C10orf88: variants seen among roughly 807,000 people sequenced by gnomAD.
C10orf88 encodes chromosome 10 open reading frame 88.
Under a neutral mutation model 34.2 loss-of-function variants are expected in C10orf88, and 29 were observed. The observed-to-expected ratio is 0.85, with a 90% CI of 0.63 to 1.16. The LOEUF is 1.16. C10orf88 is among the 50% of genes most tolerant of loss of function. The pLI is 0.00. For missense variants in C10orf88, 507 were observed against 533.2 expected (o/e 0.95, Z 0.48); for synonymous variants, 194 against 197.4 (o/e 0.98, Z 0.15).
At chr10:122,949,308 A>AT (rs1190886314) in intron 3 of C10orf88, among the ~76,000 whole-genome samples, 2 of 152,148 alleles carry the variant, frequency 1.3e-5, no homozygotes, top group Non-Finnish European at 2.9e-5. Flanking sequence ...CAATAGAGTA[A>AT]TTTTGACAAC....
chr10:122,948,235 C>G (rs1442140847), intron 4 of C10orf88, among the ~76,000 whole-genome samples: 2 of 152,104 alleles, frequency 1.3e-5, no homozygotes, highest in Admixed American at 1.3e-4. Flanking sequence ...TCCAAATTTA[C>G]TTGTCTAATC....
chr10:122,953,993 C>A, intron 1 of C10orf88, 22 bp downstream of exon 1: 1 of 1,504,808 alleles, frequency 6.6e-7, no homozygotes, highest in Admixed American at 2.2e-5. Context: ...ATAGCGACCC[C>A]GTCCCCGTCG....
intron 3 of C10orf88, among the ~76,000 whole-genome samples, chr10:122,951,648 T>C (rs1346483269): frequency 6.6e-6 from 1 of 152,188 alleles, no homozygotes; most frequent in Non-Finnish European, 1.5e-5. Flanking sequence ...TTACTAAGTA[T>C]TTCTGAGCCT....
At chr10:122,937,642 T>G (rs542971279) in intron 5 of C10orf88, 63 bp downstream of exon 5, 3 of 1,394,222 alleles carry the variant, frequency 2.2e-6, no homozygotes, top group Non-Finnish European at 2.9e-6. Context: ...ACAAATCTGT[T>G]TCCTTTCATC....
At chr10:122,944,203 T>G (rs544075242) in intron 4 of C10orf88, among the ~76,000 whole-genome samples, 106 of 151,980 alleles carry the variant, frequency 7.0e-4, no homozygotes, top group African/African-American at 2.5e-3. Flanking sequence ...CCATAAAAAA[T>G]GGTGAGTTCA....
intron 2 of C10orf88, among the ~76,000 whole-genome samples, chr10:122,952,478 AGACT>A (rs905682412): frequency 6.6e-6 from 1 of 152,246 alleles, no homozygotes; most frequent in African/African-American, 2.4e-5. Flanking sequence ...TCAAAGTTCC[AGACT>A]GACTACCAAA....
At chr10:122,943,723 C>G (rs973970774) in intron 4 of C10orf88, among the ~76,000 whole-genome samples, 4 of 151,962 alleles carry the variant, frequency 2.6e-5, no homozygotes, top group African/African-American at 9.7e-5. Context: ...AGGACATGAA[C>G]AGACACTTCT....
intron 3 of C10orf88, among the ~76,000 whole-genome samples, chr10:122,950,618 C>CT (rs1196297943): frequency 6.6e-6 from 1 of 152,184 alleles, no homozygotes; most frequent in African/African-American, 2.4e-5. Flanking sequence ...ACCCCATAGC[C>CT]TTTTTCACCA....
At position 122,932,478 on chromosome 10, in the gene C10orf88, T is replaced by C; in HGVS notation, c.1287A>G (p.Ile429Met). ...CTCCAGAGTCATAATGTCTTAGAGG[T>C]ATCCCAGTGGGCGGGGAGTTAGGAT... Reference protein sequence around the residue: ...LQNPNSPPTGIPLRHYDSGER... With the variant: ...LQNPNSPPTGMPLRHYDSGER... Residue 429 changes from isoleucine (I) to methionine (M), a missense_variant, in exon 6 of 6, where the codon ATA (isoleucine) becomes ATG (methionine). Ile to Met is a conservative substitution (Grantham distance 10). Coordinates refer to ENST00000481909, the MANE Select transcript of C10orf88 (RefSeq NM_024942.4). 6.2e-6 allele frequency: 10 copies of C among 1,614,044 alleles called. No individual in the cohort carries two copies. The highest frequency in any genetic ancestry group is 7.6e-6 in the Non-Finnish European group (9 of 1,179,946).
At chr10:122,942,552 G>T (rs1342384324) in intron 4 of C10orf88, among the ~76,000 whole-genome samples, 1 of 150,456 alleles carries the variant, frequency 6.6e-6, no homozygotes, top group Non-Finnish European at 1.5e-5. Context: ...GGAAATAAAG[G>T]GTATTCAATT....
chr10:122,953,402 C>A (rs933869897), intron 1 of C10orf88, among the ~76,000 whole-genome samples: 10 of 152,118 alleles, frequency 6.6e-5, no homozygotes, highest in African/African-American at 2.2e-4. Flanking sequence ...TAACTCACTT[C>A]CACTTGCCCT....
rs182163119 is a variant in C10orf88, at chr10:122,934,555, C to A, written c.1104-1894G>T. Among the ~76,000 whole-genome samples, 71 of 152,222 alleles carry A rather than the reference C, an allele frequency of 4.7e-4. No homozygotes were observed. The East Asian group carries it at 0.014, about 29-fold the overall frequency. ...GTGATATGGAGGTACCATAGTTTAACCATTCACCTATTGCTAAGACATTTT... is the reference window on the plus strand; with the variant it reads ...GTGATATGGAGGTACCATAGTTTAAACATTCACCTATTGCTAAGACATTTT... On this transcript the variant is annotated intron_variant, in intron 5 of 5. Transcript: ENST00000481909.
At chr10:122,939,298 G>T (rs1322619067) in intron 4 of C10orf88, among the ~76,000 whole-genome samples, 1 of 149,196 alleles carries the variant, frequency 6.7e-6, no homozygotes, top group Non-Finnish European at 1.5e-5. Flanking sequence ...AAAGGGGAAA[G>T]AAAAGAAAAA....
At chr10:122,933,205 G>A (rs1420524399) in intron 5 of C10orf88, among the ~76,000 whole-genome samples, 2 of 152,188 alleles carry the variant, frequency 1.3e-5, no homozygotes, top group South Asian at 2.1e-4. Context: ...CTCAGGGCAG[G>A]CACGGTGGCT....
chr10:122,940,608 T>C (rs1288620419), intron 4 of C10orf88, among the ~76,000 whole-genome samples: 1 of 152,022 alleles, frequency 6.6e-6, no homozygotes, highest in Non-Finnish European at 1.5e-5. Flanking sequence ...ATGAGAGCTC[T>C]TTAGATGATC....
At chr10:122,945,791 A>G (rs12246352) in intron 4 of C10orf88, among the ~76,000 whole-genome samples, 13,158 of 152,210 alleles carry the variant, frequency 0.086, 639 homozygotes, top group Non-Finnish European at 0.1. Context: ...TTAAGTATAT[A>G]AAGTTAAAAA....
intron 5 of C10orf88, among the ~76,000 whole-genome samples, chr10:122,934,332 C>T (rs971277815): frequency 6.6e-6 from 1 of 152,150 alleles, no homozygotes. Flanking sequence ...CCTCTATTGT[C>T]ATACCTACTC....
chr10:122,935,655 T>TA lies in C10orf88; in HGVS notation c.1103+2049dup, dbSNP rs1215715428. 2.6e-5 allele frequency among the ~76,000 whole-genome samples: 4 copies of TA among 152,006 alleles called. No individual in the cohort carries two copies. In the East Asian group the frequency reaches 5.8e-4, roughly 22 times the overall value. On this transcript the variant is annotated intron_variant, in intron 5 of 5. Coordinates refer to ENST00000481909, the MANE Select transcript of C10orf88 (RefSeq NM_024942.4). ...TTTAGAATCATCTCATTCATATTTA[T>TA]AAAAAATCATGCTCGATTTTTCATA...
intron 4 of C10orf88, among the ~76,000 whole-genome samples, chr10:122,938,844 C>T (rs1848558409): frequency 6.6e-6 from 1 of 151,990 alleles, no homozygotes; most frequent in Non-Finnish European, 1.5e-5. Flanking sequence ...TCTGGCTTAC[C>T]TTGAAGGGAT....
Sources: allele counts gnomAD v4.1 joint callset (sites outside exome capture counted in the v4.1 genomes callset), GRCh38; gene constraint gnomAD v4.1.1; transcripts MANE v1.5; gene names NCBI Gene and HGNC (gene_info 2026-07-23, HGNC 2026-07-21).